ASIC2: variants seen among roughly 807,000 people sequenced by gnomAD.
ASIC2 encodes acid-sensing ion channel 2.
A neutral mutation model predicts 57.3 loss-of-function variants in ASIC2; 25 were observed. The ratio of observed to expected loss-of-function variants is 0.44; its 90% CI spans 0.32 to 0.61. The LOEUF is 0.61. Ranked by LOEUF, ASIC2 falls within the 20% of genes least tolerant of loss-of-function variation. ASIC2 has a pLI of 0.06. For synonymous variants in ASIC2, 319 were observed against 307.5 expected, an observed-to-expected ratio of 1.04 and a Z score of -0.39; for missense variants, 641 against 738.1, an observed-to-expected ratio of 0.87 and a Z score of 1.52.
chr17:33,657,757 TAAAAAAAAAAAAAA>T (rs34103812), intron 1 of ASIC2, among the ~76,000 whole-genome samples: 3 of 103,500 alleles, frequency 2.9e-5, no homozygotes, highest in Admixed American at 1.1e-4. Context: ...TGGCAGTTTC[TAAAAAAAAAAAAAA>T]AAAAAAAAGT....
chr17:33,916,075 T>C (rs1339921331), intron 1 of ASIC2, among the ~76,000 whole-genome samples: 3 of 152,190 alleles, frequency 2.0e-5, no homozygotes, highest in Admixed American at 2.0e-4. Flanking sequence ...TCCTTGACTT[T>C]GCTTATGCTA....
rs538669279 is a variant in ASIC2, at chr17:33,683,431, G to A, written c.555+472547C>T. On this transcript the variant is annotated intron_variant, in intron 1 of 9. Transcript: ENST00000359872. ...CTGTCACCCAGGCTGGAGCACAGTG[G>A]TGCAAACATGGCTCACTGCAGCCTT... Among the ~76,000 whole-genome samples, 8 of 152,270 alleles carry A rather than the reference G, an allele frequency of 5.3e-5. No homozygotes were observed. The South Asian group carries it at 1.7e-3, about 32-fold the overall frequency.
At chr17:33,708,161 C>A (rs187750576) in intron 1 of ASIC2, among the ~76,000 whole-genome samples, 2 of 152,230 alleles carry the variant, frequency 1.3e-5, no homozygotes, top group Non-Finnish European at 2.9e-5. Flanking sequence ...GAGTTTCAAC[C>A]AATTCTTTAC....
At chr17:33,227,383 G>A (rs904778976) in intron 1 of ASIC2, among the ~76,000 whole-genome samples, 2 of 152,166 alleles carry the variant, frequency 1.3e-5, no homozygotes, top group Non-Finnish European at 2.9e-5. Flanking sequence ...TGCAGCTCCA[G>A]TACCTATGTT....
intron 1 of ASIC2, among the ~76,000 whole-genome samples, chr17:33,241,947 T>G (rs1908520975): frequency 6.6e-6 from 1 of 152,176 alleles, no homozygotes; most frequent in South Asian, 2.1e-4. Context: ...TTGCTATATA[T>G]AAATGGAAAA....
intron 1 of ASIC2, among the ~76,000 whole-genome samples, chr17:33,528,872 C>G (rs1408105329): frequency 6.6e-6 from 1 of 152,192 alleles, no homozygotes; most frequent in Non-Finnish European, 1.5e-5. Context: ...AAATAGCCAC[C>G]TTGTGAATTC....
chr17:33,768,007 C>T lies in ASIC2; in HGVS notation c.555+387971G>A, dbSNP rs115396505. Among the ~76,000 whole-genome samples the T allele has an allele frequency of 9.4e-3, 1,404 of 150,106 alleles. 19 individuals carry two copies. Among genetic ancestry groups the T allele is most frequent in the African/African-American group, 0.034 (1,339 of 39,698 alleles). ...AGCCTTTATTGTAAAAAGTTACATA[C>T]ACAATTTTTTTTTTTTTTTGAGACG... On this transcript the variant is annotated intron_variant, in intron 1 of 9. Transcript: ENST00000359872.
At chr17:33,068,144 G>C (rs1034462712) in intron 3 of ASIC2, among the ~76,000 whole-genome samples, 3 of 151,988 alleles carry the variant, frequency 2.0e-5, no homozygotes, top group Non-Finnish European at 4.4e-5. Context: ...GACTGGACCT[G>C]GGGGGGTGGA....
chr17:33,016,248 G>A (rs2091805188), intron 8 of ASIC2, among the ~76,000 whole-genome samples: 2 of 152,172 alleles, frequency 1.3e-5, no homozygotes, highest in African/African-American at 4.8e-5. Context: ...TGCAGGAGAT[G>A]GAGCTAGGAA....
chr17:33,373,152 C>T (rs1019160232), intron 1 of ASIC2, among the ~76,000 whole-genome samples: 9 of 152,166 alleles, frequency 5.9e-5, no homozygotes, highest in African/African-American at 2.2e-4. Flanking sequence ...ATAATATGTC[C>T]CTGGATCCTA....
chr17:33,173,650 C>T (rs756036058), intron 1 of ASIC2, among the ~76,000 whole-genome samples: 4 of 152,184 alleles, frequency 2.6e-5, no homozygotes. Context: ...TTAGAAGCAC[C>T]GGCTTTGACC....
intron 1 of ASIC2, among the ~76,000 whole-genome samples, chr17:33,927,417 T>G (rs1359447268): frequency 6.6e-6 from 1 of 152,168 alleles, no homozygotes; most frequent in Non-Finnish European, 1.5e-5. Context: ...AGGGTTACAT[T>G]CTCATGAACA....
intron 1 of ASIC2, among the ~76,000 whole-genome samples, chr17:33,175,776 G>A (rs541817801): frequency 2.6e-5 from 4 of 152,008 alleles, no homozygotes; most frequent in South Asian, 2.1e-4. Flanking sequence ...TCTCTTCCCC[G>A]GGAGGCTCCA....
At chr17:33,990,661 T>C (rs1905973355) in intron 1 of ASIC2, among the ~76,000 whole-genome samples, 1 of 152,088 alleles carries the variant, frequency 6.6e-6, no homozygotes, top group Admixed American at 6.5e-5. Flanking sequence ...AAGATGTAGT[T>C]CTTTCCCTGA....
chr17:33,288,944 T>C lies in ASIC2; in HGVS notation c.708+2464A>G, dbSNP rs532101044. Among the ~76,000 whole-genome samples, 101 of 152,268 alleles carry C rather than the reference T, an allele frequency of 6.6e-4. 1 individual carries two copies. Among genetic ancestry groups the C allele is most frequent in the Admixed American group, 4.8e-3 (74 of 15,298 alleles). On this transcript the variant is annotated intron_variant, in intron 1 of 9. Transcript: ENST00000225823. ...CACTTTGGTGCCACTCCATCAAAGA[T>C]GACAAAGGCTAGAGACAAGGCAGTG...
chr17:34,136,897 C>G (rs1421216557), intron 1 of ASIC2, among the ~76,000 whole-genome samples: 1 of 152,190 alleles, frequency 6.6e-6, no homozygotes, highest in Non-Finnish European at 1.5e-5. Context: ...GTCTCCCAAG[C>G]CCACATTTTG....
At chr17:33,890,239 A>ATGTC (rs1224988821) in intron 1 of ASIC2, among the ~76,000 whole-genome samples, 4 of 152,304 alleles carry the variant, frequency 2.6e-5, no homozygotes, top group African/African-American at 9.6e-5. Context: ...TCTATTGGAC[A>ATGTC]GCTCTCTATT....
chr17:33,456,613 T>C (rs544812706), intron 1 of ASIC2, among the ~76,000 whole-genome samples: 4 of 152,282 alleles, frequency 2.6e-5, no homozygotes, highest in Admixed American at 2.6e-4. Flanking sequence ...CTTTTAACTA[T>C]GTGGTGGGTG....
chr17:33,612,734 A>G (rs532086652), intron 1 of ASIC2, among the ~76,000 whole-genome samples: 38 of 152,358 alleles, frequency 2.5e-4, no homozygotes, highest in African/African-American at 8.4e-4. Context: ...AGGGAAGACT[A>G]ATTGCTGGGT....
Sources: allele counts gnomAD v4.1 joint callset (sites outside exome capture counted in the v4.1 genomes callset), GRCh38; gene constraint gnomAD v4.1.1; transcripts MANE v1.5; gene names NCBI Gene and HGNC (gene_info 2026-07-23, HGNC 2026-07-21).